Variants in ARHGEF26 observed in about 807,000 individuals in gnomAD.
ARHGEF26 encodes the protein Rho guanine nucleotide exchange factor (GEF) 26.
Under a neutral mutation model 89.4 loss-of-function variants are expected in ARHGEF26, and 59 were observed. That is an observed-to-expected ratio of 0.66 (90% CI 0.54 to 0.82). The LOEUF (loss-of-function observed/expected upper bound fraction) is 0.82, where lower values mean the gene tolerates loss of function less well. Among genes scored for constraint, ARHGEF26 ranks in the 40% least tolerant of loss-of-function variants. ARHGEF26 has a pLI of 0.00. For synonymous variants in ARHGEF26, 500 were observed against 428.4 expected (o/e 1.17, Z -2.06); for missense variants, 1,234 against 1,085.6 (o/e 1.14, Z -1.92).
intron 4 of ARHGEF26, among the ~76,000 whole-genome samples, chr3:154,135,362 C>CT (rs1182708908): frequency 6.6e-6 from 1 of 151,992 alleles, no homozygotes; most frequent in Non-Finnish European, 1.5e-5. Flanking sequence ...CTTTATGTGC[C>CT]TAGAGGTATT....
At chr3:154,192,949 A>G (rs1714041156) in intron 8 of ARHGEF26, among the ~76,000 whole-genome samples, 1 of 152,210 alleles carries the variant, frequency 6.6e-6, no homozygotes. Context: ...TGAGAAAATT[A>G]CTTGTATGGA....
chr3:154,219,100 T>C (rs533571704), intron 10 of ARHGEF26, among the ~76,000 whole-genome samples: 35 of 152,342 alleles, frequency 2.3e-4, no homozygotes, highest in Middle Eastern at 3.4e-3. Context: ...GTACAGAATT[T>C]TATAGCAATT....
intron 6 of ARHGEF26, among the ~76,000 whole-genome samples, chr3:154,168,223 C>A (rs781033261): frequency 4.2e-4 from 64 of 152,148 alleles, no homozygotes; most frequent in Admixed American, 1.1e-3. Flanking sequence ...ACTTCTGACC[C>A]ATTTTATAGG....
chr3:154,124,487 A>C, intron 3 of ARHGEF26, 38 bp downstream of exon 3: 1 of 1,503,436 alleles, frequency 6.7e-7, no homozygotes, highest in Non-Finnish European at 8.9e-7. Flanking sequence ...TTGCTGTTTC[A>C]ATGTGGAATA....
chr3:154,186,193 A>G (rs1024572115), intron 6 of ARHGEF26, among the ~76,000 whole-genome samples: 2 of 151,220 alleles, frequency 1.3e-5, no homozygotes, highest in African/African-American at 4.9e-5. Context: ...TTGTACAGTC[A>G]GTGTGGTTAA....
At chr3:154,170,706 A>G (rs1487722867) in intron 6 of ARHGEF26, among the ~76,000 whole-genome samples, 3 of 152,206 alleles carry the variant, frequency 2.0e-5, no homozygotes, top group South Asian at 2.1e-4. Flanking sequence ...CAGTCAGTCT[A>G]TGGAAAGCCA....
intron 11 of ARHGEF26, 46 bp downstream of exon 11, chr3:154,226,056 G>T (rs779836310): frequency 2.6e-6 from 4 of 1,556,558 alleles, no homozygotes; most frequent in Middle Eastern, 1.7e-4. Context: ...CAGTTTTAAA[G>T]TTCTGTAATT....
In ARHGEF26 at chr3:154,122,127, G is replaced by A; in HGVS notation, c.135G>A (p.Gly45=). 1.9e-6 allele frequency: 3 copies of A among 1,607,092 alleles called. No individual in the cohort carries two copies. Among genetic ancestry groups the A allele is most frequent in the Non-Finnish European group, 2.5e-6 (3 of 1,176,756 alleles). The change falls in exon 2 of 15, where the codon GGG becomes GGA. Residue 45 remains glycine (G), a synonymous_variant. Coordinates refer to ENST00000465093, the MANE Select transcript of ARHGEF26 (RefSeq NM_015595.4). Reference sequence around the variant, plus strand: ...CCCAGTCCTACCAGAGCCCCAACGGGTTACTAATTACGGATTTCCCGGTGG... The same window carrying A: ...CCCAGTCCTACCAGAGCCCCAACGGATTACTAATTACGGATTTCCCGGTGG... ...PRPQSYQSPN[G]LLITDFPVED...
In ARHGEF26 at chr3:154,256,884, G is replaced by GGTTATCTTAAT; in HGVS notation, c.*1412_*1422dup. 6.5e-7 allele frequency: 1 copy of GGTTATCTTAAT among 1,535,014 alleles called. No individual in the cohort carries two copies. Among genetic ancestry groups the GGTTATCTTAAT allele is most frequent in the East Asian group, 2.4e-5 (1 of 40,854 alleles). On this transcript the variant is annotated 3_prime_UTR_variant, in exon 15 of 15. Transcript: ENST00000465093. ...TTCCACTAGTGCACAGAGAGAGAAAGGTTATCTTAATAGTCGGTTTCATGG... is the reference window on the plus strand; with the variant it reads ...TTCCACTAGTGCACAGAGAGAGAAAGGTTATCTTAATGTTATCTTAATAGTCGGTTTCATGG...
At chr3:154,197,131 A>G (rs1259816924) in intron 9 of ARHGEF26, among the ~76,000 whole-genome samples, 2 of 152,162 alleles carry the variant, frequency 1.3e-5, no homozygotes, top group African/African-American at 2.4e-5. Context: ...ACAAAAAGCT[A>G]TCATGTGAAG....
At chr3:154,195,908 A>G (rs921992811) in intron 9 of ARHGEF26, among the ~76,000 whole-genome samples, 4 of 152,128 alleles carry the variant, frequency 2.6e-5, no homozygotes, top group East Asian at 3.9e-4. Flanking sequence ...TATTAGGGAA[A>G]ATGAGCCAGT....
At chr3:154,233,855 A>G (rs563617113) in intron 11 of ARHGEF26, among the ~76,000 whole-genome samples, 1 of 152,380 alleles carries the variant, frequency 6.6e-6, no homozygotes, top group Admixed American at 6.5e-5. Context: ...CTGCTAACTC[A>G]GGAAACATTT....
chr3:154,208,695 AT>A (rs1422069173), intron 9 of ARHGEF26, among the ~76,000 whole-genome samples: 1 of 146,478 alleles, frequency 6.8e-6, no homozygotes, highest in Non-Finnish European at 1.5e-5. Flanking sequence ...AAGCTCACTA[AT>A]TTTTTCTTCT....
At chr3:154,225,057 T>TA (rs33997555) in intron 10 of ARHGEF26, among the ~76,000 whole-genome samples, 13 of 149,224 alleles carry the variant, frequency 8.7e-5, no homozygotes, top group African/African-American at 2.9e-4. Flanking sequence ...TCTGGTAACT[T>TA]AAAAAAAAAA....
rs1182446964 is a variant in ARHGEF26 at position 154,239,299 on chromosome 3, A to AGAGTGT, written c.2091-1070_2091-1069insAGTGTG. ...GAGAGAGAGAGAGAGAGAGAGAGAG[A>AGAGTGT]GTGTGTGTGTGTGTGTGTGTGTGTG... On this transcript the variant is annotated intron_variant, in intron 11 of 14. Coordinates refer to ENST00000465093, the MANE Select transcript of ARHGEF26 (RefSeq NM_015595.4). 1.7e-4 allele frequency among the ~76,000 whole-genome samples: 11 copies of AGAGTGT among 64,258 alleles called. 1 individual carries two copies. Among genetic ancestry groups the AGAGTGT allele is most frequent in the Non-Finnish European group, 2.4e-4 (8 of 33,542 alleles). The allele number at this position is 64,258 out of a possible 152,430, so 42.2% of individuals were successfully genotyped here.
chr3:154,253,235 C>G (rs372458607), intron 13 of ARHGEF26, 52 bp downstream of exon 13: 11 of 1,597,818 alleles, frequency 6.9e-6, no homozygotes, highest in Middle Eastern at 1.7e-4. Flanking sequence ...GGCTCTGCCC[C>G]CTGCTGGACG....
chr3:154,125,855 AAAG>A (rs1718298561), intron 3 of ARHGEF26, among the ~76,000 whole-genome samples: 1 of 152,160 alleles, frequency 6.6e-6, no homozygotes, highest in Non-Finnish European at 1.5e-5. Context: ...GAATGTAACT[AAAG>A]AAGCAGTGTG....
chr3:154,216,498 T>TTA (rs1715745377), intron 9 of ARHGEF26, among the ~76,000 whole-genome samples: 1 of 34,368 alleles, frequency 2.9e-5, no homozygotes, highest in African/African-American at 1.6e-4. Flanking sequence ...TTTTATTTTT[T>TTA]TTTATTTTTT....
At chr3:154,152,965 C>G in intron 6 of ARHGEF26, 33 bp downstream of exon 6, 1 of 1,480,234 alleles carries the variant, frequency 6.8e-7, no homozygotes, top group Non-Finnish European at 9.0e-7. Context: ...TTGGTCGTGC[C>G]AAGAAGTTGC....
Sources: gnomAD v4.1 joint callset for allele counts (sites outside exome capture counted in the v4.1 genomes callset) on GRCh38, gnomAD v4.1.1 for gene constraint, MANE v1.5 for transcripts, NCBI Gene and HGNC (gene_info 2026-07-23, HGNC 2026-07-21) for gene names.